The following NUP160 variants were observed in gnomAD, a reference collection of about 807,000 sequenced individuals.
NUP160 encodes the protein nuclear pore complex protein Nup160.
NUP160 carries 94 observed loss-of-function variants against 196.9 expected under a neutral mutation model. The observed-to-expected ratio is 0.48, with a 90% CI of 0.40 to 0.57. The LOEUF is 0.57. Among genes scored for constraint, NUP160 ranks in the 20% least tolerant of loss-of-function variants. NUP160 has a pLI of 0.00. For missense variants in NUP160, 1,638 were observed against 1,748.3 expected (o/e 0.94, Z 1.13); for synonymous variants, 605 against 619.7 (o/e 0.98, Z 0.35).
chr11:47,847,638 T>G (rs1456173263), intron 2 of NUP160, among the ~76,000 whole-genome samples: 1 of 30,468 alleles, frequency 3.3e-5, no homozygotes, highest in African/African-American at 9.0e-5. Flanking sequence ...GGTGTATGTG[T>G]GTGTGGGGGT....
chr11:47,826,430 C>A lies in NUP160; in HGVS notation c.1102-4266G>T, dbSNP rs530578770. ...CAAAACAAAGGAAGTAATAGCTCTG[C>A]TCAATTTGACACACTCCTGAACTAC... On this transcript the variant is annotated intron_variant, in intron 7 of 35. Coordinates refer to ENST00000378460, the Ensembl canonical transcript of NUP160. Among the ~76,000 whole-genome samples, 41 of 152,314 alleles carry A rather than the reference C, an allele frequency of 2.7e-4. No individual in the cohort carries two copies. In the South Asian group the frequency reaches 5.0e-3, roughly 18 times the overall value.
intron 9 of NUP160, among the ~76,000 whole-genome samples, chr11:47,820,892 T>C (rs1205613585): frequency 6.6e-6 from 1 of 152,054 alleles, no homozygotes; most frequent in Non-Finnish European, 1.5e-5. Flanking sequence ...CTATGTTGCC[T>C]GGACAGGTCT....
chr11:47,782,393 T>C (rs551015694), intron 34 of NUP160, among the ~76,000 whole-genome samples: 1 of 143,088 alleles, frequency 7.0e-6, no homozygotes, highest in African/African-American at 2.6e-5. Context: ...TATGGTGGGT[T>C]TGTTTTCCAA....
intron 2 of NUP160, among the ~76,000 whole-genome samples, chr11:47,840,884 C>A (rs1395122660): frequency 6.6e-6 from 1 of 152,130 alleles, no homozygotes; most frequent in Admixed American, 6.5e-5. Context: ...TAACACCATA[C>A]CCCGGCCATT....
In NUP160 at chr11:47,789,648, A is replaced by G. The variant is rs551184279; in HGVS notation, c.3512-1037T>C. ...TAAACTAAAAAGAAGGAACTTTACAATATTTTTACAGCAATGTAATTATTA... is the reference window on the plus strand; with the variant it reads ...TAAACTAAAAAGAAGGAACTTTACAGTATTTTTACAGCAATGTAATTATTA... On this transcript the variant is annotated intron_variant, in intron 29 of 35. Transcript: ENST00000378460. Among the ~76,000 whole-genome samples the G allele has an allele frequency of 4.6e-5, 7 of 152,028 alleles. No homozygotes were observed. In the Middle Eastern group the frequency reaches 0.017, roughly 372 times the overall value.
At chr11:47,791,829 T>C (rs1041303574) in intron 29 of NUP160, 101 bp downstream of exon 29, 6 of 808,284 alleles carry the variant, frequency 7.4e-6, no homozygotes, top group Non-Finnish European at 1.2e-5. Context: ...ATATTACTAT[T>C]ATATGTAGCT....
At chr11:47,809,256 C>CAAAAAAAAA in intron 17 of NUP160, among the ~76,000 whole-genome samples, 1 of 94,774 alleles carries the variant, frequency 1.1e-5, no homozygotes, top group Non-Finnish European at 1.9e-5. Context: ...GAACTTGTCT[C>CAAAAAAAAA]AAAAAAAAAA....
At chr11:47,802,023 AG>A in intron 22 of NUP160, 93 bp from the exon 23 acceptor site, 1 of 1,199,146 alleles carries the variant, frequency 8.3e-7, no homozygotes, top group Middle Eastern at 2.4e-4. Flanking sequence ...AAGCCAAAAA[AG>A]AAACAAGATT....
chr11:47,840,428 G>A lies in NUP160; in HGVS notation c.475C>T (p.Gln159Ter). 1 of 1,614,146 alleles carries A rather than the reference G, an allele frequency of 6.2e-7. No individual in the cohort carries two copies. The highest frequency in any genetic ancestry group is 8.5e-7 in the Non-Finnish European group (1 of 1,180,006). The change falls in exon 3 of 36, where the codon CAA becomes TAA. Residue 159 changes from glutamine to a stop codon, truncating the protein, a stop_gained. Transcript: ENST00000378460. LOFTEE classifies it high-confidence loss of function. ...GGTAAAAGTAACCTGTGCACTGTTT[G>A]ATTGGTTAACATCAAGATTATCACA... is the stretch of plus-strand genomic sequence containing the variant.
At chr11:47,848,437 C>A in exon 1 of NUP160, 1 of 1,517,832 alleles carries the variant, frequency 6.6e-7, no homozygotes, top group South Asian at 1.2e-5. Flanking sequence ...AGCAGAAAGG[C>A]GGCTCCGGCC....
chr11:47,804,744 A>G (rs2097676480), intron 20 of NUP160, 126 bp from the exon 21 acceptor site: 1 of 600,050 alleles, frequency 1.7e-6, no homozygotes, highest in Non-Finnish European at 2.9e-6. Flanking sequence ...GAAGTTGGCC[A>G]ACCACATGTT....
chr11:47,813,543 G>A (rs1334112679), intron 13 of NUP160, 128 bp from the exon 14 acceptor site: 2 of 620,298 alleles, frequency 3.2e-6, no homozygotes, highest in Non-Finnish European at 5.8e-6. Context: ...ATAGGTGTAA[G>A]TCTTGGCTGG....
chr11:47,806,824 C>T (rs1444706049), intron 19 of NUP160, among the ~76,000 whole-genome samples: 26 of 148,558 alleles, frequency 1.8e-4, no homozygotes, highest in African/African-American at 4.0e-4. Flanking sequence ...CACACACACA[C>T]ACACACACAC....
chr11:47,825,476 G>A (rs111698188), intron 7 of NUP160, among the ~76,000 whole-genome samples: 1,933 of 134,282 alleles, frequency 0.014, 50 homozygotes, highest in African/African-American at 0.052. Context: ...TTTTTGAGAC[G>A]GAGTATCGCT....
At chr11:47,839,549 A>G (rs1442201553) in intron 4 of NUP160, 1 of 346,224 alleles carries the variant, frequency 2.9e-6, no homozygotes, top group Non-Finnish European at 5.3e-6. Flanking sequence ...ATTTAATTAT[A>G]ATGTTATAAT....
chr11:47,845,464 C>G (rs1237311180), intron 2 of NUP160, among the ~76,000 whole-genome samples: 1 of 152,142 alleles, frequency 6.6e-6, no homozygotes, highest in African/African-American at 2.4e-5. Flanking sequence ...AATAAACTTG[C>G]TTTCACTATG....
intron 5 of NUP160, 48 bp downstream of exon 5, chr11:47,837,497 A>G (rs554139959): frequency 1.4e-6 from 2 of 1,444,070 alleles, no homozygotes; most frequent in South Asian, 2.3e-5. Context: ...CCAGTGCAAA[A>G]AGATTAAATT....
chr11:47,802,437 CAA>C (rs1187571544), intron 22 of NUP160, among the ~76,000 whole-genome samples: 1 of 140,340 alleles, frequency 7.1e-6, no homozygotes, highest in Non-Finnish European at 1.6e-5. Flanking sequence ...AGACTGTCTC[CAA>C]AAAAAAAAGA....
At chr11:47,830,621 C>T (rs189737197) in intron 7 of NUP160, among the ~76,000 whole-genome samples, 84 of 152,272 alleles carry the variant, frequency 5.5e-4, no homozygotes, top group African/African-American at 2.0e-3. Context: ...AAACCAAATA[C>T]CACATGTTCT....
Sources: allele counts gnomAD v4.1 joint callset (sites outside exome capture counted in the v4.1 genomes callset), GRCh38; gene constraint gnomAD v4.1.1; transcripts MANE v1.5; gene names NCBI Gene and HGNC (gene_info 2026-07-23, HGNC 2026-07-21).